Variants in PSME3 observed in about 807,000 individuals in gnomAD.
PSME3 encodes proteasome activator complex subunit 3.
Under a neutral mutation model 38.3 loss-of-function variants are expected in PSME3, and 7 were observed. That is an observed-to-expected ratio of 0.18 (90% CI 0.10 to 0.34). The LOEUF is 0.34. Ranked by LOEUF, PSME3 falls within the 10% of genes least tolerant of loss-of-function variation. The probability of loss-of-function intolerance (pLI) is 1.00; values close to 1 mark genes in which losing one functional copy is unlikely to be tolerated. For missense variants in PSME3, 192 were observed against 307.6 expected, an observed-to-expected ratio of 0.62 and a Z score of 2.81; for synonymous variants, 108 against 105.7, an observed-to-expected ratio of 1.02 and a Z score of -0.13.
Position 42,842,716 on chromosome 17 carries a change from C to G in PSME3, c.*1138C>G, listed in dbSNP as rs891544493. The stretch of plus-strand genomic sequence containing the variant: ...TTTGTGTATGTGGAAATGTGCTGGG[C>G]AAGTCAAAACTATAGAAGAGTTGCC... On this transcript the variant is annotated 3_prime_UTR_variant, in exon 11 of 11. Coordinates refer to ENST00000590720, the MANE Select transcript of PSME3 (RefSeq NM_005789.4). 8.5e-5 allele frequency: 13 copies of G among 152,792 alleles called. No homozygotes were observed. The highest frequency in any genetic ancestry group is 3.1e-4 in the African/African-American group (13 of 41,444). The allele number at this position is 152,792 out of a possible 1,614,324, so 9.5% of individuals were successfully genotyped here.
At chr17:42,837,116 A>G (rs1025676590) in intron 4 of PSME3, among the ~76,000 whole-genome samples, 4 of 152,060 alleles carry the variant, frequency 2.6e-5, no homozygotes, top group Admixed American at 6.5e-5. Flanking sequence ...CAGTGGTGCA[A>G]TCTCGGCTCA....
At position 42,837,643 on chromosome 17, in the gene PSME3, C is replaced by T. The variant is rs758295183; in HGVS notation, c.244-6C>T. The T allele has an allele frequency of 4.3e-6, 7 of 1,614,088 alleles. No individual in the cohort carries two copies. The highest frequency in any genetic ancestry group is 1.7e-4 in the Middle Eastern group (1 of 6,042). ...TAGGCTCATCCCTGCCTCTTTGTAT[C>T]CTTAGCCCACTTATAAGAAGCGAAG... On this transcript the variant is annotated splice_polypyrimidine_tract_variant and splice_region_variant and intron_variant, in intron 4 of 10. Transcript: ENST00000590720.
rs1174271104 is a variant in PSME3, at chr17:42,842,613, A to C, written c.*1035A>C. On this transcript the variant is annotated 3_prime_UTR_variant, in exon 11 of 11. Transcript: ENST00000590720. ...TTCCTTTTGGGAACTATTTCTCTTT[A>C]TTTATAGTGTCGGGCTTCCGGGGAA... is the stretch of plus-strand genomic sequence containing the variant. The C allele has an allele frequency of 1.3e-5, 2 of 152,686 alleles. No individual in the cohort carries two copies. The highest frequency in any genetic ancestry group is 2.9e-5 in the Non-Finnish European group (2 of 68,012). The allele number at this position is 152,686 out of a possible 1,614,324, so 9.5% of individuals were successfully genotyped here.
intron 4 of PSME3, among the ~76,000 whole-genome samples, chr17:42,835,863 T>G (rs1242488585): frequency 1.3e-5 from 2 of 152,214 alleles, no homozygotes; most frequent in African/African-American, 2.4e-5. Flanking sequence ...CTGCAATTGC[T>G]ATCTTTGCTT....
In PSME3 at chr17:42,834,437, G is replaced by GGAGAGAGAGAGAGAGAGAGA; in HGVS notation, c.76-65_76-46dup. 2.0e-6 allele frequency: 3 copies of GGAGAGAGAGAGAGAGAGAGA among 1,535,606 alleles called. No individual in the cohort carries two copies. In the African/African-American group the frequency reaches 4.2e-5, roughly 22 times the overall value. ...AGAATTTCCCAAAGAGGAGATACCT[G>GGAGAGAGAGAGAGAGAGAGA]GAGAGAGAGAGAGAGAGAGAGAGAG... On this transcript the variant is annotated intron_variant, in intron 2 of 10. Transcript: ENST00000590720.
Position 42,833,462 on chromosome 17 carries a change from C to A in PSME3, c.-170C>A. On this transcript the variant is annotated 5_prime_UTR_variant, in exon 1 of 11. Transcript: ENST00000590720. The stretch of plus-strand genomic sequence containing the variant: ...GAGAGAGCAAGCAGGCAGCAGGCTG[C>A]CGGCGGGCGGGCGGACGGCACAGAG... 1.4e-6 allele frequency: 1 copy of A among 739,578 alleles called. No individual in the cohort carries two copies. The highest frequency in any genetic ancestry group is 2.2e-6 in the Non-Finnish European group (1 of 454,174). 45.8% of individuals were successfully genotyped at this position (739,578 alleles called of 1,614,324 possible). A position where few individuals can be genotyped will look rare whatever the true frequency, so the allele number is the denominator to read the frequency against.
chr17:42,838,815 T>A lies in PSME3; in HGVS notation c.474+16T>A. 2 of 1,581,014 alleles carry A rather than the reference T, an allele frequency of 1.3e-6. No homozygotes were observed. The highest frequency in any genetic ancestry group is 1.7e-6 in the Non-Finnish European group (2 of 1,149,988). ...GTCCATTCAGGTAATGTACTTGAAT[T>A]ACATACTGGGAAGAGTGGCTTGGGA... On this transcript the variant is annotated intron_variant, in intron 7 of 10. Transcript: ENST00000590720.
rs763505889 is a variant in PSME3 at position 42,841,553 on chromosome 17, G to A, written c.740G>A (p.Ser247Asn). The A allele has an allele frequency of 6.2e-7, 1 of 1,609,198 alleles. No homozygotes were observed. The highest frequency in any genetic ancestry group is 1.1e-5 in the South Asian group (1 of 90,286). The change falls in exon 11 of 11, where the codon AGC becomes AAC. Residue 247 changes from serine (S) to asparagine (N), a missense_variant. Physicochemically the swap from Ser to Asn is conservative, Grantham distance 46 (BLOSUM62 1). Coordinates refer to ENST00000590720, the MANE Select transcript of PSME3 (RefSeq NM_005789.4). ...KNIEKIKRPR[S>N]SNAETLY ...ATCGAGAAGATCAAACGGCCCCGGA[G>A]CAGCAATGCAGAGACTCTGTACTGA...
At position 42,843,477 on chromosome 17, in the gene PSME3, A is replaced by T. The variant is rs774605218; in HGVS notation, c.*1899A>T. On this transcript the variant is annotated 3_prime_UTR_variant, in exon 11 of 11. Coordinates refer to ENST00000590720, the MANE Select transcript of PSME3 (RefSeq NM_005789.4). ...TTATGGGAAAGTTAGCTCTTCCCAG[A>T]CCTAAGCTGCCTTCTCTCCCTACTT... 1 of 152,324 alleles carries T rather than the reference A, an allele frequency of 6.6e-6. No homozygotes were observed. Among genetic ancestry groups the T allele is most frequent in the Non-Finnish European group, 1.5e-5 (1 of 68,040 alleles). 9.4% of individuals were successfully genotyped at this position (152,324 alleles called of 1,614,324 possible). A position where few individuals can be genotyped will look rare whatever the true frequency, so the allele number is the denominator to read the frequency against.
Position 42,841,739 on chromosome 17 carries a change from G to T in PSME3, c.*161G>T. 2.0e-6 allele frequency: 1 copy of T among 500,040 alleles called. No homozygotes were observed. The highest frequency in any genetic ancestry group is 3.5e-6 in the Non-Finnish European group (1 of 286,344). 31.0% of individuals were successfully genotyped at this position (500,040 alleles called of 1,614,324 possible). A position where few individuals can be genotyped will look rare whatever the true frequency, so the allele number is the denominator to read the frequency against. ...TGAAACTCTCATCTAGTTCTGTGAT[G>T]TGTTTACCTCTTTTTTCAGGCCTCA... On this transcript the variant is annotated 3_prime_UTR_variant, in exon 11 of 11. Coordinates refer to ENST00000590720, the MANE Select transcript of PSME3 (RefSeq NM_005789.4).
In PSME3 at chr17:42,834,822, T is replaced by G; in HGVS notation, c.189T>G (p.Asn63Lys). ...TAACTCAGATCCACTCTGACATGAA[T>G]CTCCCAGTCCCTGACCCCATTCTTC... ...HDLTQIHSDMNLPVPDPILLT... is the reference protein window; with the variant it reads ...HDLTQIHSDMKLPVPDPILLT... Residue 63 changes from asparagine (N) to lysine (K), a missense_variant, in exon 4 of 11, where the codon AAT (asparagine) becomes AAG (lysine). Transcript: ENST00000590720. 3 of 1,614,112 alleles carry G rather than the reference T, an allele frequency of 1.9e-6. No homozygotes were observed. Among genetic ancestry groups the G allele is most frequent in the Non-Finnish European group, 1.7e-6 (2 of 1,179,986 alleles).
chr17:42,834,901 T>G (rs2055443563), intron 4 of PSME3, 25 bp downstream of exon 4: 2 of 1,612,744 alleles, frequency 1.2e-6, no homozygotes, highest in African/African-American at 2.7e-5. Context: ...TTTATCTTTG[T>G]GTTCTTGAGC....
Position 42,841,587 on chromosome 17 carries a change from C to T in PSME3, c.*9C>T. On this transcript the variant is annotated 3_prime_UTR_variant, in exon 11 of 11. Coordinates refer to ENST00000590720, the MANE Select transcript of PSME3 (RefSeq NM_005789.4). ...CAGAGACTCTGTACTGAGGCCAGGGCCAGGGCCAGGGGACTCTGTGAGTCT... is the reference window on the plus strand; with the variant it reads ...CAGAGACTCTGTACTGAGGCCAGGGTCAGGGCCAGGGGACTCTGTGAGTCT... 1 of 1,580,778 alleles carries T rather than the reference C, an allele frequency of 6.3e-7. No individual in the cohort carries two copies. The highest frequency in any genetic ancestry group is 8.6e-7 in the Non-Finnish European group (1 of 1,156,972).
At chr17:42,836,071 C>G (rs865819206) in intron 4 of PSME3, among the ~76,000 whole-genome samples, 1 of 148,368 alleles carries the variant, frequency 6.7e-6, no homozygotes, top group African/African-American at 2.5e-5. Context: ...GTGGCGCGAT[C>G]TCAGCTTACT....
At position 42,838,154 on chromosome 17, in the gene PSME3, T is replaced by C; in HGVS notation, c.354T>C (p.Ile118=). The change falls in exon 6 of 11, where the codon ATT becomes ATC. Residue 118 remains isoleucine, a synonymous_variant. Transcript: ENST00000590720. Reference sequence around the variant, plus strand: ...AAAGCAACCAGCAGCTGGTGGACATTATTGAGAAAGTGAAACCTGAGATCC... The same window carrying C: ...AAAGCAACCAGCAGCTGGTGGACATCATTGAGAAAGTGAAACCTGAGATCC... ...MLKSNQQLVD[I]IEKVKPEIRL... 6.2e-7 allele frequency: 1 copy of C among 1,613,990 alleles called. No individual in the cohort carries two copies. The highest frequency in any genetic ancestry group is 8.5e-7 in the Non-Finnish European group (1 of 1,180,004).
At chr17:42,841,024 T>G (rs1013003470) in intron 10 of PSME3, among the ~76,000 whole-genome samples, 2 of 151,198 alleles carry the variant, frequency 1.3e-5, no homozygotes, top group African/African-American at 4.9e-5. Context: ...TCCCAGCTAC[T>G]CAGGTGGCTG....
In PSME3 at chr17:42,843,632, C is replaced by G. The variant is rs1220769062; in HGVS notation, c.*2054C>G. The G allele has an allele frequency of 6.6e-6, 1 of 152,342 alleles. No homozygotes were observed. The highest frequency in any genetic ancestry group is 6.5e-5 in the Admixed American group (1 of 15,274). 9.4% of individuals were successfully genotyped at this position (152,342 alleles called of 1,614,324 possible). On this transcript the variant is annotated 3_prime_UTR_variant, in exon 11 of 11. Transcript: ENST00000590720. The stretch of plus-strand genomic sequence containing the variant: ...ACCCAGTCATTTTCTTTACCTTATA[C>G]TAATTCTTCCTGAATAATGTCTTCA...
At position 42,843,356 on chromosome 17, in the gene PSME3, T is replaced by C. The variant is rs952152033; in HGVS notation, c.*1778T>C. ...CTAGCCACCCTGTTGTGTGTCCTTA[T>C]GCCAGTTGAGCTGAATCTTTTCCCC... On this transcript the variant is annotated 3_prime_UTR_variant, in exon 11 of 11. Coordinates refer to ENST00000590720, the MANE Select transcript of PSME3 (RefSeq NM_005789.4). 6 of 152,732 alleles carry C rather than the reference T, an allele frequency of 3.9e-5. No homozygotes were observed. Among genetic ancestry groups the C allele is most frequent in the African/African-American group, 1.4e-4 (6 of 41,446 alleles). 9.5% of individuals were successfully genotyped at this position (152,732 alleles called of 1,614,324 possible).
In PSME3 at chr17:42,839,356, C is replaced by G. The variant is rs1381809747; in HGVS notation, c.660C>G (p.Ile220Met). 2 of 1,611,504 alleles carry G rather than the reference C, an allele frequency of 1.2e-6. No individual in the cohort carries two copies. Among genetic ancestry groups the G allele is most frequent in the Non-Finnish European group, 1.7e-6 (2 of 1,178,082 alleles). ...DEKEYISLRLIISELRNQYVT... is the reference protein window; with the variant it reads ...DEKEYISLRLMISELRNQYVT... ...AAGAATATATCAGCCTTCGGCTCAT[C>G]ATATCAGAGCTGAGGAATCAATATG... The change falls in exon 10 of 11, where the codon ATC becomes ATG. Residue 220 changes from isoleucine (I) to methionine (M), a missense_variant. Around this residue, in one of 2 missense-constraint regions of PSME3, gnomAD observed 82 missense variants for 168.2 expected, o/e 0.49. Transcript: ENST00000590720.
Sources: gnomAD v4.1 joint callset for allele counts (sites outside exome capture counted in the v4.1 genomes callset) on GRCh38, gnomAD v4.1.1 for gene constraint, gnomAD v4.1.1 regional missense constraint, MANE v1.5 for transcripts, NCBI Gene and HGNC (gene_info 2026-07-23, HGNC 2026-07-21) for gene names.